UMPS: variants seen among roughly 807,000 people sequenced by gnomAD.
UMPS encodes uridine 5'-monophosphate synthase.
Under a neutral mutation model 38.9 loss-of-function variants are expected in UMPS, and 21 were observed. That is an observed-to-expected ratio of 0.54 (90% CI 0.38 to 0.78). The LOEUF (loss-of-function observed/expected upper bound fraction) is 0.78, where lower values mean the gene tolerates loss of function less well. Ranked by LOEUF, UMPS falls within the 30% of genes least tolerant of loss-of-function variation. The pLI, the probability that UMPS is intolerant of heterozygous loss-of-function variation, is 0.00. For missense variants in UMPS, 533 were observed against 591.6 expected (o/e 0.90, Z 1.03); for synonymous variants, 208 against 219.3 (o/e 0.95, Z 0.45).
chr3:124,740,475 G>A (rs1052075399), intron 4 of UMPS, among the ~76,000 whole-genome samples: 1 of 152,102 alleles, frequency 6.6e-6, no homozygotes, highest in Non-Finnish European at 1.5e-5. Flanking sequence ...AAATCTACCA[G>A]GACTTTAAGA....
chr3:124,735,805 C>T (rs1374995164), intron 2 of UMPS, among the ~76,000 whole-genome samples: 2 of 151,848 alleles, frequency 1.3e-5, no homozygotes, highest in South Asian at 2.1e-4. Context: ...GGTAAAACTC[C>T]GTCTCTACTA....
Position 124,744,384 on chromosome 3 carries a change from C to CA in UMPS, c.*300_*301insA. On this transcript the variant is annotated 3_prime_UTR_variant, in exon 6 of 6. Transcript: ENST00000232607. ...ACATTTGAGGATCCTTCCTATCTCT[C>CA]CATGGGACTAGACTGCTTTGTTATT... 1 of 495,772 alleles carries CA rather than the reference C, an allele frequency of 2.0e-6. No homozygotes were observed. Among genetic ancestry groups the CA allele is most frequent in the Admixed American group, 2.3e-5 (1 of 43,712 alleles). 30.7% of individuals were successfully genotyped at this position (495,772 alleles called of 1,614,324 possible).
intron 1 of UMPS, among the ~76,000 whole-genome samples, 200 bp from the exon 2 acceptor site, chr3:124,734,893 C>T (rs531849116): frequency 2.6e-4 from 40 of 152,146 alleles, no homozygotes; most frequent in African/African-American, 7.5e-4. Context: ...TAGTGGTGCG[C>T]GCCTGTAATC....
chr3:124,739,066 T>G (rs1344382705), intron 3 of UMPS, among the ~76,000 whole-genome samples: 2 of 152,252 alleles, frequency 1.3e-5, no homozygotes, highest in Non-Finnish European at 2.9e-5. Flanking sequence ...CTTCATGTGC[T>G]TAAGATGTCC....
Position 124,744,137 on chromosome 3 carries a change from TC to T in UMPS, c.*55del. ...ATGTGAAGACATTGAAGATATGTGG[TC>T]CTCCTGAAAGTCACTGGCTGGAAAT... is the stretch of plus-strand genomic sequence containing the variant. On this transcript the variant is annotated 3_prime_UTR_variant, in exon 6 of 6. Transcript: ENST00000232607. The T allele has an allele frequency of 6.2e-7, 1 of 1,602,852 alleles. No homozygotes were observed. The highest frequency in any genetic ancestry group is 8.5e-7 in the Non-Finnish European group (1 of 1,171,726).
rs190010827 is a variant in UMPS at position 124,744,711 on chromosome 3, A to T, written c.*627A>T. Reference sequence around the variant, plus strand: ...GGTGTGAGCCACTGTGCCCAGCCTAATTGCAGTAAGACAAAAATTCTAGGG... The same window carrying T: ...GGTGTGAGCCACTGTGCCCAGCCTATTTGCAGTAAGACAAAAATTCTAGGG... On this transcript the variant is annotated 3_prime_UTR_variant, in exon 6 of 6. Transcript: ENST00000232607. 2.6e-5 allele frequency: 12 copies of T among 454,132 alleles called. No homozygotes were observed. Among genetic ancestry groups the T allele is most frequent in the African/African-American group, 2.4e-4 (12 of 50,126 alleles). 28.1% of individuals were successfully genotyped at this position (454,132 alleles called of 1,614,324 possible).
rs1304273135 is a variant in UMPS at position 124,745,236 on chromosome 3, T to G, written c.*1152T>G. The stretch of plus-strand genomic sequence containing the variant: ...GGCAGGGTGAGGGCTGTCCCGGTGC[T>G]CATTGCACCAGCACACTCACATTCC... On this transcript the variant is annotated 3_prime_UTR_variant, in exon 6 of 6. Transcript: ENST00000232607. The G allele has an allele frequency of 2.2e-6, 1 of 453,980 alleles. No homozygotes were observed. Among genetic ancestry groups the G allele is most frequent in the Non-Finnish European group, 4.4e-6 (1 of 226,802 alleles). The allele number at this position is 453,980 out of a possible 1,614,324, so 28.1% of individuals were successfully genotyped here.
At chr3:124,730,712 T>C (rs1404253450) in intron 1 of UMPS, 85 bp downstream of exon 1, 42 of 1,512,854 alleles carry the variant, frequency 2.8e-5, no homozygotes, top group Non-Finnish European at 3.6e-5. Context: ...AGTTGGGCCG[T>C]GAGTGAGAGC....
chr3:124,746,895 G>C lies in UMPS; in HGVS notation c.*2811G>C, dbSNP rs1449194782. ...AAGTGTAGCTCCAGAATCGTAAAGG[G>C]ATATGCTCAGTCTCACAGCCAGCCT... On this transcript the variant is annotated 3_prime_UTR_variant, in exon 6 of 6. Coordinates refer to ENST00000232607, the MANE Select transcript of UMPS (RefSeq NM_000373.4). The C allele has an allele frequency of 4.4e-6, 2 of 453,486 alleles. No individual in the cohort carries two copies. Among genetic ancestry groups the C allele is most frequent in the South Asian group, 3.1e-5 (2 of 64,432 alleles). The allele number at this position is 453,486 out of a possible 1,614,324, so 28.1% of individuals were successfully genotyped here.
chr3:124,735,254 A>G lies in UMPS; in HGVS notation c.310+8A>G, dbSNP rs780788052. 35 of 1,607,790 alleles carry G rather than the reference A, an allele frequency of 2.2e-5. No homozygotes were observed. Among genetic ancestry groups the G allele is most frequent in the Non-Finnish European group, 1.5e-5 (18 of 1,174,816 alleles). ...AAGAAACAAAGGATTATGGTAAAATAAAAGTAACATAAAGCATGAAGTTAA... is the reference window on the plus strand; with the variant it reads ...AAGAAACAAAGGATTATGGTAAAATGAAAGTAACATAAAGCATGAAGTTAA... On this transcript the variant is annotated splice_region_variant and intron_variant, in intron 2 of 5. Transcript: ENST00000232607.
Position 124,747,215 on chromosome 3 carries a change from G to T in UMPS, c.*3131G>T, listed in dbSNP as rs140750390. On this transcript the variant is annotated 3_prime_UTR_variant, in exon 6 of 6. Transcript: ENST00000232607. ...AATTTTTAAAATTTTTTGTAGAGAC[G>T]GTGGAGGAGGTTCTCACTGTGACTC... 2.2e-6 allele frequency: 1 copy of T among 453,010 alleles called. No homozygotes were observed. The highest frequency in any genetic ancestry group is 4.4e-6 in the Non-Finnish European group (1 of 225,798). 28.1% of individuals were successfully genotyped at this position (453,010 alleles called of 1,614,324 possible).
At chr3:124,735,434 G>A (rs2150894624) in intron 2 of UMPS, among the ~76,000 whole-genome samples, 188 bp downstream of exon 2, 1 of 151,546 alleles carries the variant, frequency 6.6e-6, no homozygotes, top group East Asian at 1.9e-4. Flanking sequence ...GAAATGCTTT[G>A]TATTGATTAG....
rs115735795 is a variant in UMPS at position 124,732,379 on chromosome 3, G to T, written c.156+1752G>T. On this transcript the variant is annotated intron_variant, in intron 1 of 5. Coordinates refer to ENST00000232607, the MANE Select transcript of UMPS (RefSeq NM_000373.4). ...TTTAGTCAATATAAGGAAAATTTTT[G>T]TACAAATTAGAGGTTTCTAATACAG... The T allele has an allele frequency of 6.9e-3, 1,069 of 154,840 alleles. 8 individuals carry two copies. Among genetic ancestry groups the T allele is most frequent in the African/African-American group, 0.024 (981 of 41,600 alleles). The allele number at this position is 154,840 out of a possible 1,614,324, so 9.6% of individuals were successfully genotyped here.
intron 1 of UMPS, among the ~76,000 whole-genome samples, chr3:124,731,094 C>A (rs1274886833): frequency 6.6e-6 from 1 of 151,886 alleles, no homozygotes; most frequent in East Asian, 1.9e-4. Flanking sequence ...TGGTGGCGCA[C>A]GCCTGGGACG....
In UMPS at chr3:124,740,148, G is replaced by C. The variant is rs200325814; in HGVS notation, c.1107G>C (p.Ala369=). 4 of 1,613,632 alleles carry C rather than the reference G, an allele frequency of 2.5e-6. No individual in the cohort carries two copies. Among genetic ancestry groups the C allele is most frequent in the Non-Finnish European group, 2.5e-6 (3 of 1,179,988 alleles). Residue 369 remains alanine, a synonymous_variant, in exon 4 of 6, where the codon GCG becomes GCC. Transcript: ENST00000232607. ...TGCATCGGGGGTGCCTCCTTATTGC[G>C]GAAATGAGCTCCACCGGCTCCCTGG... ...LPLHRGCLLI[A]EMSSTGSLAT...
rs988672591 is a variant in UMPS at position 124,748,826 on chromosome 3, A to G, written c.*4742A>G. On this transcript the variant is annotated 3_prime_UTR_variant, in exon 6 of 6. Coordinates refer to ENST00000232607, the MANE Select transcript of UMPS (RefSeq NM_000373.4). ...CTGAGCTTCCTGTGGCTCCAGAGTA[A>G]CATTATAGAGAAGCTGAATTCTCCT... 2 of 404,966 alleles carry G rather than the reference A, an allele frequency of 4.9e-6. No individual in the cohort carries two copies. Among genetic ancestry groups the G allele is most frequent in the Non-Finnish European group, 9.8e-6 (2 of 203,236 alleles). The allele number at this position is 404,966 out of a possible 1,614,324, so 25.1% of individuals were successfully genotyped here.
Position 124,735,146 on chromosome 3 carries a change from C to T in UMPS, c.210C>T (p.Thr70=), listed in dbSNP as rs370656763. The T allele has an allele frequency of 1.7e-5, 28 of 1,613,876 alleles. No individual in the cohort carries two copies. Among genetic ancestry groups the T allele is most frequent in the East Asian group, 6.7e-5 (3 of 44,882 alleles). Residue 70 remains threonine (T), a synonymous_variant, in exon 2 of 6, where the codon ACC becomes ACT. Coordinates refer to ENST00000232607, the MANE Select transcript of UMPS (RefSeq NM_000373.4). The part of the protein sequence containing the change: ...TAQNAGISFD[T]VCGVPYTALP... ...AAAATGCAGGCATCAGTTTTGACACCGTGTGTGGAGTGCCTTATACAGCTT... is the reference window on the plus strand; with the variant it reads ...AAAATGCAGGCATCAGTTTTGACACTGTGTGTGGAGTGCCTTATACAGCTT...
rs189557483 is a variant in UMPS, at chr3:124,743,146, C to T, written c.1274-769C>T. 4.9e-3 allele frequency among the ~76,000 whole-genome samples: 751 copies of T among 152,074 alleles called. 2 individuals are homozygous for T. Among genetic ancestry groups the T allele is most frequent in the Non-Finnish European group, 6.3e-3 (425 of 67,984 alleles). On this transcript the variant is annotated intron_variant, in intron 5 of 5. Coordinates refer to ENST00000232607, the MANE Select transcript of UMPS (RefSeq NM_000373.4). ...GTCAGGAGTTCAAGACCAGCTTGGC[C>T]GACATGGTGAAACCCTGTCTCTACT...
Position 124,747,241 on chromosome 3 carries a change from AGT to A in UMPS, c.*3163_*3164del, listed in dbSNP as rs1195445495. 2.2e-6 allele frequency: 1 copy of A among 451,116 alleles called. No homozygotes were observed. Among genetic ancestry groups the A allele is most frequent in the East Asian group, 7.0e-5 (1 of 14,252 alleles). 27.9% of individuals were successfully genotyped at this position (451,116 alleles called of 1,614,324 possible). A position where few individuals can be genotyped will look rare whatever the true frequency, so the allele number is the denominator to read the frequency against. The stretch of plus-strand genomic sequence containing the variant: ...GTGGAGGAGGTTCTCACTGTGACTC[AGT>A]GTGTGCCCGACAGCAGAGCCCACAC... On this transcript the variant is annotated 3_prime_UTR_variant, in exon 6 of 6. Transcript: ENST00000232607.
Sources: gnomAD v4.1 joint callset for allele counts (sites outside exome capture counted in the v4.1 genomes callset) on GRCh38, gnomAD v4.1.1 for gene constraint, MANE v1.5 for transcripts, NCBI Gene and HGNC (gene_info 2026-07-23, HGNC 2026-07-21) for gene names.